The following PPA2 variants were observed in gnomAD, a reference collection of about 807,000 sequenced individuals.
PPA2 encodes the protein inorganic pyrophosphatase 2, also known as inorganic pyrophosphatase 2, mitochondrial.
In PPA2, 48 loss-of-function variants were observed where a neutral mutation model predicts 49.5. That is an observed-to-expected ratio of 0.97 (90% CI 0.77 to 1.23). The LOEUF (loss-of-function observed/expected upper bound fraction) is 1.23, where lower values mean the gene tolerates loss of function less well. Among genes scored for constraint, PPA2 ranks in the 50% most tolerant of loss-of-function variants. The pLI is 0.00. For missense variants in PPA2, 429 were observed against 410.1 expected (o/e 1.05, Z -0.40); for synonymous variants, 131 against 139.9 (o/e 0.94, Z 0.45).
At chr4:105,380,162 T>C (rs1733429573) in intron 10 of PPA2, among the ~76,000 whole-genome samples, 1 of 151,694 alleles carries the variant, frequency 6.6e-6, no homozygotes, top group African/African-American at 2.4e-5. Context: ...GTCGTGTTTA[T>C]AGAAAGGTTT....
intron 7 of PPA2, among the ~76,000 whole-genome samples, chr4:105,418,374 G>A (rs1435174748): frequency 6.6e-6 from 1 of 152,210 alleles, no homozygotes; most frequent in Non-Finnish European, 1.5e-5. Flanking sequence ...CACTGGAAGT[G>A]TTTACTTAGC....
At chr4:105,419,279 G>A (rs922444209) in intron 7 of PPA2, among the ~76,000 whole-genome samples, 4 of 152,116 alleles carry the variant, frequency 2.6e-5, no homozygotes, top group Non-Finnish European at 5.9e-5. Context: ...TTAACGTTAG[G>A]TATATCTCCT....
chr4:105,382,854 C>T lies in PPA2; in HGVS notation c.939+3713G>A, dbSNP rs181862006. 3.0e-3 allele frequency among the ~76,000 whole-genome samples: 459 copies of T among 151,810 alleles called. 2 individuals are homozygous for T. The highest frequency in any genetic ancestry group is 0.01 in the African/African-American group (430 of 41,400). Reference sequence around the variant, plus strand: ...ACTCTACCAAAAACTAGAAAAACTTCGCCAGGTGTGGTGGCACACACCTGT... The same window carrying T: ...ACTCTACCAAAAACTAGAAAAACTTTGCCAGGTGTGGTGGCACACACCTGT... On this transcript the variant is annotated intron_variant, in intron 10 of 11. Transcript: ENST00000341695.
intron 1 of PPA2, among the ~76,000 whole-genome samples, chr4:105,463,911 C>T (rs1013352553): frequency 1.3e-5 from 2 of 152,166 alleles, no homozygotes; most frequent in South Asian, 2.1e-4. Context: ...AGTGGCAGGG[C>T]CCTCATGGAG....
At chr4:105,425,488 C>T (rs942595021) in intron 6 of PPA2, among the ~76,000 whole-genome samples, 1 of 152,034 alleles carries the variant, frequency 6.6e-6, no homozygotes, top group South Asian at 2.1e-4. Flanking sequence ...ATTAGTGAAC[C>T]TGAAGACACT....
In PPA2 at chr4:105,437,997, A is replaced by G. The variant is rs750827864; in HGVS notation, c.481T>C (p.Cys161Arg). The G allele has an allele frequency of 6.2e-7, 1 of 1,609,520 alleles. No individual in the cohort carries two copies. The highest frequency in any genetic ancestry group is 8.5e-7 in the Non-Finnish European group (1 of 1,178,876). Reference protein sequence around the residue: ...DPHEKDKSTNCFGDNDPIDVC... With the variant: ...DPHEKDKSTNRFGDNDPIDVC... ...TCAATAGGATCATTATCTCCAAAGC[A>G]GTTCGTGCTCTTATCTTTTTCATGG... The change falls in exon 6 of 12, where the codon TGC becomes CGC. Residue 161 changes from cysteine (C) to arginine (R), a missense_variant. Transcript: ENST00000341695.
intron 4 of PPA2, among the ~76,000 whole-genome samples, chr4:105,447,748 T>C (rs1292473564): frequency 6.6e-6 from 1 of 151,714 alleles, no homozygotes; most frequent in Non-Finnish European, 1.5e-5. Context: ...TTTTTTTTTT[T>C]TTTGAGACAG....
chr4:105,390,004 C>T (rs1733848227), intron 9 of PPA2, among the ~76,000 whole-genome samples: 1 of 152,108 alleles, frequency 6.6e-6, no homozygotes, highest in South Asian at 2.1e-4. Context: ...AGAAATAACA[C>T]CACACATCTA....
At chr4:105,466,009 C>A (rs990443932) in intron 1 of PPA2, among the ~76,000 whole-genome samples, 1 of 152,000 alleles carries the variant, frequency 6.6e-6, no homozygotes, top group African/African-American at 2.4e-5. Flanking sequence ...TTTACCTTAT[C>A]TTCTAATTCA....
chr4:105,457,684 C>T (rs1043233745), intron 1 of PPA2, among the ~76,000 whole-genome samples: 15 of 152,152 alleles, frequency 9.9e-5, no homozygotes, highest in Admixed American at 3.3e-4. Context: ...AGCCTCAAGC[C>T]TCCAGAGTAG....
At chr4:105,383,694 C>T (rs1733580207) in intron 10 of PPA2, among the ~76,000 whole-genome samples, 1 of 152,160 alleles carries the variant, frequency 6.6e-6, no homozygotes, top group African/African-American at 2.4e-5. Context: ...AATGACCATA[C>T]TTTGAACTCA....
chr4:105,428,784 G>A (rs527541372), intron 6 of PPA2, among the ~76,000 whole-genome samples: 3 of 152,050 alleles, frequency 2.0e-5, no homozygotes, highest in African/African-American at 4.8e-5. Context: ...AAAACTGCAC[G>A]TTTTGCACAT....
At chr4:105,398,746 C>T in intron 8 of PPA2, 1 of 212,454 alleles carries the variant, frequency 4.7e-6, no homozygotes, top group African/African-American at 2.3e-5. Flanking sequence ...GAAAGTTTTT[C>T]TATGTACACA....
chr4:105,430,722 G>A (rs1195462595), intron 6 of PPA2, among the ~76,000 whole-genome samples: 1 of 152,172 alleles, frequency 6.6e-6, no homozygotes, highest in Non-Finnish European at 1.5e-5. Flanking sequence ...TTTGGATCTA[G>A]ATTAGGGACA....
chr4:105,446,285 A>G (rs1722382383), intron 5 of PPA2, 98 bp downstream of exon 5: 2 of 1,261,966 alleles, frequency 1.6e-6, no homozygotes, highest in South Asian at 1.7e-5. Context: ...TCCAAATGAC[A>G]TGTCCTCAGA....
intron 4 of PPA2, among the ~76,000 whole-genome samples, chr4:105,448,947 G>A (rs1314903514): frequency 1.6e-5 from 2 of 126,314 alleles, no homozygotes; most frequent in Admixed American, 7.3e-5. Flanking sequence ...GGCCGGGCGC[G>A]GTGGCTCACG....
At chr4:105,425,785 CAA>C (rs1275925573) in intron 6 of PPA2, among the ~76,000 whole-genome samples, 1 of 147,292 alleles carries the variant, frequency 6.8e-6, no homozygotes, top group Non-Finnish European at 1.5e-5. Context: ...AACAAACAAA[CAA>C]AATCCAAAGT....
intron 6 of PPA2, among the ~76,000 whole-genome samples, chr4:105,430,692 A>T (rs182508495): frequency 2.2e-4 from 33 of 152,196 alleles, no homozygotes; most frequent in African/African-American, 7.0e-4. Flanking sequence ...GAAGACTATA[A>T]CACTATAGAT....
At chr4:105,373,007 T>C (rs977300577) in intron 10 of PPA2, among the ~76,000 whole-genome samples, 5 of 152,230 alleles carry the variant, frequency 3.3e-5, no homozygotes, top group Admixed American at 3.3e-4. Flanking sequence ...TTTTATCTTT[T>C]TGTTTGTTTG....
Sources: allele counts gnomAD v4.1 joint callset (sites outside exome capture counted in the v4.1 genomes callset), GRCh38; gene constraint gnomAD v4.1.1; transcripts MANE v1.5; gene names NCBI Gene and HGNC (gene_info 2026-07-23, HGNC 2026-07-21).